Variants in PAPSS1 observed in about 807,000 individuals in gnomAD.
PAPSS1 encodes the protein bifunctional 3'-phosphoadenosine 5'-phosphosulfate synthase 1.
Under a neutral mutation model 72.0 loss-of-function variants are expected in PAPSS1, and 50 were observed. The observed-to-expected ratio is 0.69, with a 90% CI of 0.55 to 0.88. The LOEUF (loss-of-function observed/expected upper bound fraction) is 0.88, where lower values mean the gene tolerates loss of function less well. PAPSS1 is among the 40% of genes least tolerant of loss of function. PAPSS1 has a pLI of 0.00. For missense variants in PAPSS1, 657 were observed against 782.2 expected, an observed-to-expected ratio of 0.84 and a Z score of 1.91; for synonymous variants, 261 against 263.6, an observed-to-expected ratio of 0.99 and a Z score of 0.09.
chr4:107,618,801 G>A (rs1010628969), intron 11 of PAPSS1, among the ~76,000 whole-genome samples: 1 of 152,080 alleles, frequency 6.6e-6, no homozygotes, highest in African/African-American at 2.4e-5. Flanking sequence ...ACAAGACTTA[G>A]CAAGCAGAGC....
At chr4:107,703,299 G>A (rs993574735) in intron 1 of PAPSS1, among the ~76,000 whole-genome samples, 19 of 151,762 alleles carry the variant, frequency 1.3e-4, no homozygotes, top group African/African-American at 4.6e-4. Context: ...CTCCCATTCT[G>A]TAGGTTGTCT....
intron 4 of PAPSS1, among the ~76,000 whole-genome samples, chr4:107,686,048 A>G (rs1450238042): frequency 6.6e-6 from 1 of 152,204 alleles, no homozygotes; most frequent in Non-Finnish European, 1.5e-5. Context: ...GTTAACAATA[A>G]TGGAACAGGA....
intron 5 of PAPSS1, 137 bp from the exon 6 acceptor site, chr4:107,660,209 C>T (rs1727141807): frequency 7.1e-6 from 4 of 560,424 alleles, no homozygotes; most frequent in Non-Finnish European, 9.4e-6. Flanking sequence ...CTATGTTCCC[C>T]TCAACCAATA....
chr4:107,674,870 T>C (rs1444903477), intron 5 of PAPSS1, among the ~76,000 whole-genome samples: 8 of 152,048 alleles, frequency 5.3e-5, no homozygotes, highest in Non-Finnish European at 1.2e-4. Flanking sequence ...GAACTCAGGA[T>C]TAAGAAACTC....
Position 107,653,512 on chromosome 4 carries a change from T to C in PAPSS1, c.1216A>G (p.Lys406Glu). 1.9e-6 allele frequency: 3 copies of C among 1,611,778 alleles called. No homozygotes were observed. Among genetic ancestry groups the C allele is most frequent in the Non-Finnish European group, 2.5e-6 (3 of 1,179,050 alleles). Residue 406 changes from lysine (K) to glutamate (E), a missense_variant, in exon 9 of 12, where the codon AAA (lysine) becomes GAA (glutamate). Coordinates refer to ENST00000265174, the MANE Select transcript of PAPSS1 (RefSeq NM_005443.5). Reference protein sequence around the residue: ...YRLTPTELKQKFKDMNADAVF... With the variant: ...YRLTPTELKQEFKDMNADAVF... ...TTACCAGCATTCATATCTTTAAATT[T>C]CTGCTTTAGCTCAGTAGGAGTAAGA... is the stretch of plus-strand genomic sequence containing the variant.
rs141266795 is a variant in PAPSS1, at chr4:107,715,558, A to G, written c.60+4562T>C. Among the ~76,000 whole-genome samples, 1,079 of 152,368 alleles carry G rather than the reference A, an allele frequency of 7.1e-3. 16 individuals carry two copies. Among genetic ancestry groups the G allele is most frequent in the African/African-American group, 0.025 (1,036 of 41,586 alleles). ...CAGAATGTGCTGCTGGCCTTCTACG[A>G]AAAACATCCACATATAAGGAGACAA... is the stretch of plus-strand genomic sequence containing the variant. On this transcript the variant is annotated intron_variant, in intron 1 of 11. Transcript: ENST00000265174.
In PAPSS1 at chr4:107,656,943, C is replaced by G; in HGVS notation, c.848G>C (p.Arg283Thr). The G allele has an allele frequency of 6.2e-7, 1 of 1,613,884 alleles. No homozygotes were observed. Among genetic ancestry groups the G allele is most frequent in the Non-Finnish European group, 8.5e-7 (1 of 1,179,764 alleles). ...GWATPLNGFM[R>T]EREYLQCLHF... ...AAGGCACTGCAAGTACTCCCTCTCT[C>G]TCATAAAGCCATTCAATGGGGTTGC... Residue 283 changes from arginine (R) to threonine (T), a missense_variant, in exon 7 of 12, where the codon AGA becomes ACA. Arg to Thr is a moderately conservative substitution (Grantham distance 71, BLOSUM62 -1). Coordinates refer to ENST00000265174, the MANE Select transcript of PAPSS1 (RefSeq NM_005443.5).
intron 11 of PAPSS1, among the ~76,000 whole-genome samples, chr4:107,619,765 T>C (rs1725909904): frequency 6.6e-6 from 1 of 152,168 alleles, no homozygotes; most frequent in Non-Finnish European, 1.5e-5. Context: ...GAAAAAGAAA[T>C]ACAAGTATGT....
intron 4 of PAPSS1, among the ~76,000 whole-genome samples, chr4:107,684,294 T>C (rs938554559): frequency 2.6e-5 from 4 of 152,194 alleles, no homozygotes; most frequent in Middle Eastern, 3.2e-3. Flanking sequence ...TTTCATCAGA[T>C]AGGTTTTATT....
At chr4:107,660,503 C>G (rs1180144770) in intron 5 of PAPSS1, among the ~76,000 whole-genome samples, 1 of 152,036 alleles carries the variant, frequency 6.6e-6, no homozygotes, top group African/African-American at 2.4e-5. Context: ...CACCTTTTAC[C>G]CAAGCAACAC....
intron 9 of PAPSS1, among the ~76,000 whole-genome samples, chr4:107,647,064 C>T (rs574377908): frequency 1.3e-5 from 2 of 152,312 alleles, no homozygotes; most frequent in East Asian, 1.9e-4. Flanking sequence ...GGAAGAAACC[C>T]GCCAGGGACA....
intron 1 of PAPSS1, among the ~76,000 whole-genome samples, chr4:107,701,996 T>C (rs1257520350): frequency 7.0e-6 from 1 of 143,206 alleles, no homozygotes. Flanking sequence ...AAAAAAAGCA[T>C]AAAATTACTT....
chr4:107,719,710 C>T, intron 1 of PAPSS1: 1 of 761,216 alleles, frequency 1.3e-6, no homozygotes, highest in Non-Finnish European at 1.6e-6. Flanking sequence ...GCGCCCGCCT[C>T]CGCCTTCTCT....
At chr4:107,655,123 A>G (rs958138131) in intron 7 of PAPSS1, among the ~76,000 whole-genome samples, 1 of 150,716 alleles carries the variant, frequency 6.6e-6, no homozygotes, top group Non-Finnish European at 1.5e-5. Flanking sequence ...AAAAAAAAAA[A>G]GGAAAAATTA....
intron 11 of PAPSS1, among the ~76,000 whole-genome samples, chr4:107,629,980 G>A (rs564922710): frequency 6.6e-6 from 1 of 152,098 alleles, no homozygotes; most frequent in Non-Finnish European, 1.5e-5. Context: ...CCACCTCTAA[G>A]GTCCTAATTT....
intron 9 of PAPSS1, among the ~76,000 whole-genome samples, chr4:107,652,663 A>G (rs538995099): frequency 1.3e-5 from 2 of 152,338 alleles, no homozygotes; most frequent in South Asian, 4.1e-4. Flanking sequence ...AGTGAACATG[A>G]TAAAAGTTCC....
chr4:107,680,379 A>G (rs906032805), intron 5 of PAPSS1, among the ~76,000 whole-genome samples: 3 of 146,572 alleles, frequency 2.0e-5, no homozygotes, highest in Non-Finnish European at 4.5e-5. Flanking sequence ...TTCTCATCAG[A>G]AATGAAGCAA....
At chr4:107,654,014 T>A (rs1226031233) in intron 8 of PAPSS1, among the ~76,000 whole-genome samples, 1 of 152,192 alleles carries the variant, frequency 6.6e-6, no homozygotes, top group Non-Finnish European at 1.5e-5. Flanking sequence ...CGATACAAAT[T>A]CATGCCTTCC....
Position 107,633,898 on chromosome 4 carries a change from G to A in PAPSS1, c.1507-2038C>T, listed in dbSNP as rs560619689. ...AGCACCACTGCAGTCCGGCCTGGGC[G>A]AAAGAACGAGACTCCGTCTCAAAAA... On this transcript the variant is annotated intron_variant, in intron 10 of 11. Coordinates refer to ENST00000265174, the MANE Select transcript of PAPSS1 (RefSeq NM_005443.5). Among the ~76,000 whole-genome samples, 10 of 118,304 alleles carry A rather than the reference G, an allele frequency of 8.5e-5. No homozygotes were observed. The South Asian group carries it at 2.4e-3, about 28-fold the overall frequency. The allele number at this position is 118,304 out of a possible 152,430, so 77.6% of individuals were successfully genotyped here.
Sources: gnomAD v4.1 joint callset for allele counts (sites outside exome capture counted in the v4.1 genomes callset) on GRCh38, gnomAD v4.1.1 for gene constraint, MANE v1.5 for transcripts, NCBI Gene and HGNC (gene_info 2026-07-23, HGNC 2026-07-21) for gene names.